The following STON2 variants were observed in gnomAD, a reference collection of about 807,000 sequenced individuals.
STON2 encodes stonin-2.
A neutral mutation model predicts 65.7 loss-of-function variants in STON2; 29 were observed. The ratio of observed to expected loss-of-function variants is 0.44; its 90% CI spans 0.33 to 0.60. The LOEUF (loss-of-function observed/expected upper bound fraction) is 0.60, where lower values mean the gene tolerates loss of function less well. Among genes scored for constraint, STON2 ranks in the 20% least tolerant of loss-of-function variants. The pLI is 0.03. For missense variants in STON2, 1,054 were observed against 1,118.1 expected (o/e 0.94, Z 0.82); for synonymous variants, 404 against 414.2 (o/e 0.98, Z 0.30).
chr14:81,276,955 G>A lies in STON2; in HGVS notation c.2527C>T (p.His843Tyr), dbSNP rs1894848260. Residue 843 changes from histidine to tyrosine, a missense_variant, in exon 6 of 8, where the codon CAT becomes TAT. Physicochemically the swap from His to Tyr is moderately conservative, Grantham distance 83. Coordinates refer to ENST00000614646, the MANE Select transcript of STON2 (RefSeq NM_001394390.1). ...CTCCACACAATGGAGTTGAAGGCATGCTCGTACTTGGCAGTTCCCAGAGTT... is the reference window on the plus strand; with the variant it reads ...CTCCACACAATGGAGTTGAAGGCATACTCGTACTTGGCAGTTCCCAGAGTT... ...RVTLGTAKYE[H>Y]AFNSIVWRIN... is the part of the protein sequence containing the mutation. 6.2e-7 allele frequency: 1 copy of A among 1,614,094 alleles called. No individual in the cohort carries two copies. Among genetic ancestry groups the A allele is most frequent in the Admixed American group, 1.7e-5 (1 of 60,006 alleles).
At chr14:81,326,871 T>C (rs181135518) in intron 4 of STON2, among the ~76,000 whole-genome samples, 4 of 152,362 alleles carry the variant, frequency 2.6e-5, no homozygotes, top group Non-Finnish European at 1.5e-5. Flanking sequence ...CTTGGGACCT[T>C]AGATTGATTT....
At chr14:81,351,369 G>C (rs1349493073) in intron 4 of STON2, among the ~76,000 whole-genome samples, 1 of 152,046 alleles carries the variant, frequency 6.6e-6, no homozygotes, top group Non-Finnish European at 1.5e-5. Flanking sequence ...GAGTTTGGTA[G>C]GGAGATAACA....
At chr14:81,420,221 T>C (rs74066456) in intron 2 of STON2, among the ~76,000 whole-genome samples, 1 of 152,108 alleles carries the variant, frequency 6.6e-6, no homozygotes, top group Non-Finnish European at 1.5e-5. Flanking sequence ...CAGAGACAGG[T>C]AGGGCTAAGA....
intron 4 of STON2, among the ~76,000 whole-genome samples, chr14:81,353,661 C>T (rs1210344431): frequency 1.3e-5 from 2 of 152,196 alleles, no homozygotes; most frequent in East Asian, 3.9e-4. Context: ...AAAAGAAAAT[C>T]AGAGGCAGAC....
At chr14:81,434,853 C>A (rs965081671) in intron 1 of STON2, among the ~76,000 whole-genome samples, 2 of 152,120 alleles carry the variant, frequency 1.3e-5, no homozygotes, top group African/African-American at 4.8e-5. Context: ...TAAACCAGAC[C>A]ACCCAGGTCA....
At chr14:81,348,960 C>A (rs1897920864) in intron 4 of STON2, among the ~76,000 whole-genome samples, 1 of 152,102 alleles carries the variant, frequency 6.6e-6, no homozygotes, top group South Asian at 2.1e-4. Context: ...AGCTGACTTT[C>A]AACAAAGGTG....
rs745402567 is a variant in STON2 at position 81,278,278 on chromosome 14, T to A, written c.1204A>T (p.Ser402Cys). 6.2e-7 allele frequency: 1 copy of A among 1,614,138 alleles called. No individual in the cohort carries two copies. Among genetic ancestry groups the A allele is most frequent in the Non-Finnish European group, 8.5e-7 (1 of 1,180,030 alleles). ...TTGCCCGTGGTACTGGAAATGGAAC[T>A]GTTTTGGGAGCGCCTCTCCTGCTCC... is the stretch of plus-strand genomic sequence containing the variant. ...FEEQERRSQN[S>C]SISSTTGKSQ... Residue 402 changes from serine (S) to cysteine (C), a missense_variant, in exon 6 of 8, where the codon AGT (serine) becomes TGT (cysteine). Coordinates refer to ENST00000614646, the MANE Select transcript of STON2 (RefSeq NM_001394390.1).
intron 5 of STON2, among the ~76,000 whole-genome samples, chr14:81,322,893 C>G (rs12432957): frequency 6.6e-6 from 1 of 152,216 alleles, no homozygotes. Context: ...ACAGAGTTGC[C>G]TAAAACAAAC....
chr14:81,369,459 T>A (rs552112520), intron 4 of STON2, among the ~76,000 whole-genome samples: 23 of 152,292 alleles, frequency 1.5e-4, no homozygotes, highest in African/African-American at 5.3e-4. Flanking sequence ...AAAAACAGCC[T>A]CAGCATAGAA....
At chr14:81,338,818 T>A (rs1001277095) in intron 4 of STON2, among the ~76,000 whole-genome samples, 7 of 152,166 alleles carry the variant, frequency 4.6e-5, no homozygotes, top group African/African-American at 1.7e-4. Flanking sequence ...ACATTCTGTA[T>A]TGAGAGTAAG....
At chr14:81,280,007 AAT>A (rs1424580148) in intron 5 of STON2, among the ~76,000 whole-genome samples, 1 of 152,252 alleles carries the variant, frequency 6.6e-6, no homozygotes, top group African/African-American at 2.4e-5. Context: ...AGTGTTAAGA[AAT>A]TGAAGCCTAC....
rs1424917694 is a variant in STON2 at position 81,268,508 on chromosome 14, T to C, written c.2785-11A>G. On this transcript the variant is annotated splice_polypyrimidine_tract_variant and intron_variant, in intron 7 of 7. Transcript: ENST00000614646. ...TTGCTCAATTTCCACCTGCCAAGAATAGAAGTTGGAGATAAAGATCAAAAA... is the reference window on the plus strand; with the variant it reads ...TTGCTCAATTTCCACCTGCCAAGAACAGAAGTTGGAGATAAAGATCAAAAA... 1.6e-6 allele frequency: 2 copies of C among 1,289,492 alleles called. No homozygotes were observed. The highest frequency in any genetic ancestry group is 5.5e-5 in the East Asian group (1 of 18,022). 79.9% of individuals were successfully genotyped at this position (1,289,492 alleles called of 1,614,324 possible). A position where few individuals can be genotyped will look rare whatever the true frequency, so the allele number is the denominator to read the frequency against.
chr14:81,415,826 A>G (rs1012540118), intron 2 of STON2, among the ~76,000 whole-genome samples: 6 of 152,112 alleles, frequency 3.9e-5, no homozygotes, highest in African/African-American at 1.4e-4. Flanking sequence ...AAATCATAAT[A>G]TTTTTCTAAT....
At chr14:81,280,737 AC>A (rs1334120254) in intron 5 of STON2, among the ~76,000 whole-genome samples, 3 of 152,202 alleles carry the variant, frequency 2.0e-5, no homozygotes, top group Non-Finnish European at 4.4e-5. Flanking sequence ...TAGGCCGGGC[AC>A]GGTGGCTCAT....
chr14:81,306,339 C>T (rs1487205590), intron 5 of STON2, among the ~76,000 whole-genome samples: 4 of 145,152 alleles, frequency 2.8e-5, no homozygotes, highest in Non-Finnish European at 5.9e-5. Context: ...AAGTGATTCT[C>T]GTGTCTCAGC....
chr14:81,371,676 T>TCAAAAAAAAAAAAAAAA (rs58782661), intron 3 of STON2, among the ~76,000 whole-genome samples: 2 of 97,662 alleles, frequency 2.0e-5, no homozygotes, highest in African/African-American at 4.5e-5. Flanking sequence ...AGACTGAGTC[T>TCAAAAAAAAAAAAAAAA]AAAAAAAAAA....
upstream of STON2, among the ~76,000 whole-genome samples, chr14:81,404,782 C>T (rs1900767436): frequency 6.6e-6 from 1 of 152,212 alleles, no homozygotes; most frequent in Non-Finnish European, 1.5e-5. Flanking sequence ...GCTGGGATTA[C>T]AGGCACAAGT....
intron 5 of STON2, among the ~76,000 whole-genome samples, chr14:81,284,143 T>C (rs1401048367): frequency 6.6e-6 from 1 of 152,138 alleles, no homozygotes; most frequent in East Asian, 1.9e-4. Flanking sequence ...GCCTCCTTAT[T>C]CCCTGAGACA....
chr14:81,360,430 A>G (rs983503188), intron 4 of STON2, among the ~76,000 whole-genome samples: 7 of 152,174 alleles, frequency 4.6e-5, no homozygotes, highest in Non-Finnish European at 8.8e-5. Flanking sequence ...ATAAAAAAAG[A>G]TCATCTAATT....
Sources: allele counts gnomAD v4.1 joint callset (sites outside exome capture counted in the v4.1 genomes callset), GRCh38; gene constraint gnomAD v4.1.1; transcripts MANE v1.5; gene names NCBI Gene and HGNC (gene_info 2026-07-23, HGNC 2026-07-21).